Variants in DNAH11 observed in about 807,000 individuals in gnomAD.
The protein encoded by DNAH11 is dynein axonemal heavy chain 11, also known as axonemal beta dynein heavy chain 11.
In DNAH11, 442 loss-of-function variants were observed where a neutral mutation model predicts 526.0. That is an observed-to-expected ratio of 0.84 (90% CI 0.78 to 0.91). The LOEUF is 0.91. DNAH11 is among the 40% of genes least tolerant of loss of function. The pLI, the probability that DNAH11 is intolerant of heterozygous loss-of-function variation, is 0.00. For missense variants in DNAH11, 6,989 were observed against 5,448.7 expected (o/e 1.28, Z -8.90); for synonymous variants, 2,461 against 1,935.9 (o/e 1.27, Z -7.12).
At chr7:21,573,508 T>G (rs2128437870) in intron 8 of DNAH11, among the ~76,000 whole-genome samples, 1 of 152,278 alleles carries the variant, frequency 6.6e-6, no homozygotes, top group African/African-American at 2.4e-5. Context: ...ACCATTACTT[T>G]TTTAAAAAAA....
chr7:21,591,423 A>G lies in DNAH11; in HGVS notation c.2513A>G (p.Gln838Arg). The change falls in exon 14 of 82, where the codon CAG becomes CGG. Residue 838 changes from glutamine to arginine, a missense_variant. Gln to Arg is a conservative substitution (Grantham distance 43). Transcript: ENST00000409508. ...ERTQKNVKVIQQTMRGWARCV... is the reference protein window; with the variant it reads ...ERTQKNVKVIRQTMRGWARCV... ...ACACAGAAAAACGTGAAGGTGATCC[A>G]GCAGACCATGAGGGGCTGGGCCAGG... The G allele has an allele frequency of 2.5e-6, 4 of 1,613,982 alleles. No individual in the cohort carries two copies. Among genetic ancestry groups the G allele is most frequent in the Non-Finnish European group, 3.4e-6 (4 of 1,179,888 alleles).
intron 32 of DNAH11, among the ~76,000 whole-genome samples, chr7:21,686,466 T>G (rs919191464): frequency 1.3e-5 from 2 of 152,246 alleles, no homozygotes; most frequent in Non-Finnish European, 2.9e-5. Flanking sequence ...TATTCTTGTT[T>G]CATGATTTTC....
chr7:21,635,845 T>C, intron 25 of DNAH11, 26 bp from the exon 26 acceptor site: 1 of 1,568,324 alleles, frequency 6.4e-7, no homozygotes, highest in Non-Finnish European at 8.7e-7. Flanking sequence ...TTAGCTACTA[T>C]TTAAAATTCT....
At chr7:21,860,287 C>CA (rs34076919) in intron 68 of DNAH11, among the ~76,000 whole-genome samples, 116,595 of 149,916 alleles carry the variant, frequency 0.78, 46,799 homozygotes, top group Non-Finnish European at 0.89. Flanking sequence ...TGGCTACTAT[C>CA]AAAAAAAAAA....
chr7:21,889,162 T>C lies in DNAH11; in HGVS notation c.12508-3263T>C, dbSNP rs144283554. 3.3e-5 allele frequency among the ~76,000 whole-genome samples: 5 copies of C among 152,322 alleles called. No homozygotes were observed. The East Asian group carries it at 9.7e-4, about 29-fold the overall frequency. ...CATTTTTAAAAATGGACTCATACAA[T>C]ATGTAGCCTTCTTTCACTTGGCATA... is the stretch of plus-strand genomic sequence containing the variant. On this transcript the variant is annotated intron_variant, in intron 76 of 81. Coordinates refer to ENST00000409508, the MANE Select transcript of DNAH11 (RefSeq NM_001277115.2).
chr7:21,767,738 T>C (rs2127975183), intron 55 of DNAH11, among the ~76,000 whole-genome samples: 1 of 152,346 alleles, frequency 6.6e-6, no homozygotes, highest in Non-Finnish European at 1.5e-5. Context: ...GTGTCCATGG[T>C]CTTCTAAAAA....
intron 15 of DNAH11, among the ~76,000 whole-genome samples, chr7:21,600,387 G>A (rs945635138): frequency 1.3e-5 from 2 of 152,098 alleles, no homozygotes; most frequent in Admixed American, 6.6e-5. Flanking sequence ...GAGTCCAGGA[G>A]TTAGAGGCTG....
At chr7:21,633,755 A>G (rs905152859) in intron 25 of DNAH11, among the ~76,000 whole-genome samples, 6 of 152,146 alleles carry the variant, frequency 3.9e-5, no homozygotes, top group African/African-American at 1.2e-4. Flanking sequence ...TGGGCGGAAG[A>G]CCCAGGGAGG....
intron 39 of DNAH11, 98 bp from the exon 40 acceptor site, chr7:21,707,601 A>C: frequency 1.4e-6 from 2 of 1,413,016 alleles, no homozygotes; most frequent in Non-Finnish European, 1.9e-6. Flanking sequence ...AGCATCTAGG[A>C]ACATATAATG....
At position 21,704,515 on chromosome 7, in the gene DNAH11, G is replaced by A. The variant is rs984828849; in HGVS notation, c.6355G>A (p.Asp2119Asn). ...DIPVFLGLVG[D>N]LFPALDVPRR... Reference sequence around the variant, plus strand: ...CCCAGTGTTTCTGGGCCTGGTCGGTGACCTGTTTCCAGCCCTGGATGTGCC... The same window carrying A: ...CCCAGTGTTTCTGGGCCTGGTCGGTAACCTGTTTCCAGCCCTGGATGTGCC... Residue 2119 changes from aspartate to asparagine, a missense_variant, in exon 38 of 82, where the codon GAC becomes AAC. Transcript: ENST00000409508. 4 of 1,613,714 alleles carry A rather than the reference G, an allele frequency of 2.5e-6. No homozygotes were observed. The Admixed American group carries it at 6.7e-5, about 27-fold the overall frequency.
chr7:21,828,731 C>T (rs941020324), intron 65 of DNAH11, among the ~76,000 whole-genome samples: 2 of 140,350 alleles, frequency 1.4e-5, no homozygotes, highest in African/African-American at 5.2e-5. Context: ...AAATAATCTA[C>T]TTATGACTTT....
intron 74 of DNAH11, among the ~76,000 whole-genome samples, chr7:21,877,573 T>C (rs920688365): frequency 1.3e-5 from 2 of 152,080 alleles, no homozygotes; most frequent in African/African-American, 4.8e-5. Context: ...ACCTACGCCT[T>C]TCAGCTAAAG....
chr7:21,768,739 C>G (rs1191220976), intron 55 of DNAH11, among the ~76,000 whole-genome samples: 2 of 152,166 alleles, frequency 1.3e-5, no homozygotes, highest in South Asian at 2.1e-4. Context: ...GCGAGAAAGT[C>G]CACTCTAAGA....
chr7:21,766,623 A>G (rs1001168950), intron 55 of DNAH11, among the ~76,000 whole-genome samples: 1 of 151,882 alleles, frequency 6.6e-6, no homozygotes, highest in Non-Finnish European at 1.5e-5. Flanking sequence ...CAGCGGCCAT[A>G]TGGTTAAAAA....
intron 80 of DNAH11, 104 bp from the exon 81 acceptor site, chr7:21,899,876 T>G (rs1234355564): frequency 1.4e-6 from 2 of 1,420,658 alleles, no homozygotes; most frequent in African/African-American, 2.9e-5. Flanking sequence ...CCCAAGAACC[T>G]AAAACACCCT....
At chr7:21,639,150 T>C in intron 28 of DNAH11, 85 bp downstream of exon 28, 1 of 1,439,680 alleles carries the variant, frequency 6.9e-7, no homozygotes, top group Non-Finnish European at 9.2e-7. Flanking sequence ...ATGCTACCTG[T>C]CATGTCACGT....
chr7:21,610,422 C>T (rs1306448987), intron 20 of DNAH11, among the ~76,000 whole-genome samples: 1 of 151,942 alleles, frequency 6.6e-6, no homozygotes, highest in African/African-American at 2.4e-5. Flanking sequence ...TAGAAGCAAA[C>T]CTAAATCATC....
chr7:21,638,594 C>T (rs1167720387), intron 27 of DNAH11, among the ~76,000 whole-genome samples: 2 of 151,926 alleles, frequency 1.3e-5, no homozygotes, highest in Non-Finnish European at 1.5e-5. Flanking sequence ...TGAAGGATGG[C>T]GACCTAGTCT....
chr7:21,824,068 C>T (rs922358402), intron 65 of DNAH11, among the ~76,000 whole-genome samples: 2 of 152,180 alleles, frequency 1.3e-5, no homozygotes, highest in African/African-American at 4.8e-5. Flanking sequence ...TAAACACACA[C>T]AAACAATTGC....
Sources: allele counts gnomAD v4.1 joint callset (sites outside exome capture counted in the v4.1 genomes callset), GRCh38; gene constraint gnomAD v4.1.1; transcripts MANE v1.5; gene names NCBI Gene and HGNC (gene_info 2026-07-23, HGNC 2026-07-21).